SPOCK3: variants seen among roughly 807,000 people sequenced by gnomAD.
SPOCK3 encodes the protein testican-3.
A neutral mutation model predicts 56.6 loss-of-function variants in SPOCK3; 30 were observed. The observed-to-expected ratio is 0.53, with a 90% CI of 0.40 to 0.72. SPOCK3 has a LOEUF of 0.72. SPOCK3 is among the 30% of genes least tolerant of loss of function. The probability of loss-of-function intolerance (pLI) is 0.00; values close to 1 mark genes in which losing one functional copy is unlikely to be tolerated. For synonymous variants in SPOCK3, 196 were observed against 183.3 expected, an observed-to-expected ratio of 1.07 and a Z score of -0.56; for missense variants, 527 against 530.0, an observed-to-expected ratio of 0.99 and a Z score of 0.06.
chr4:166,776,381 C>A (rs1011763971), intron 7 of SPOCK3, among the ~76,000 whole-genome samples: 1 of 152,032 alleles, frequency 6.6e-6, no homozygotes, highest in African/African-American at 2.4e-5. Context: ...CCACTGCACT[C>A]CAGTCTGGTG....
At chr4:166,957,414 A>G (rs112585035) in intron 4 of SPOCK3, among the ~76,000 whole-genome samples, 9 of 152,216 alleles carry the variant, frequency 5.9e-5, no homozygotes, top group Non-Finnish European at 1.3e-4. Flanking sequence ...CCCTTTAGTA[A>G]TAATACATCA....
chr4:167,180,889 C>A (rs1403038304), intron 2 of SPOCK3, among the ~76,000 whole-genome samples: 2 of 151,958 alleles, frequency 1.3e-5, no homozygotes, highest in Non-Finnish European at 2.9e-5. Flanking sequence ...AGATATGGAA[C>A]CATTACATAA....
At chr4:167,226,084 T>A (rs184193066) in intron 2 of SPOCK3, among the ~76,000 whole-genome samples, 38 of 152,300 alleles carry the variant, frequency 2.5e-4, no homozygotes, top group Admixed American at 1.2e-3. Context: ...TCACCATTAA[T>A]GCCTTAACAC....
intron 2 of SPOCK3, among the ~76,000 whole-genome samples, chr4:167,129,726 T>A (rs1402988502): frequency 6.6e-6 from 1 of 152,166 alleles, no homozygotes; most frequent in African/African-American, 2.4e-5. Flanking sequence ...AATACGTAAA[T>A]TTAGAAGCTT....
intron 2 of SPOCK3, among the ~76,000 whole-genome samples, chr4:167,205,372 A>ATATATAATATATTATATATATTT (rs1734068356): frequency 2.3e-4 from 8 of 35,134 alleles, no homozygotes; most frequent in African/African-American, 9.2e-4. Context: ...TATATATTTT[A>ATATATAATATATTATATATATTT]TATATATAAT....
intron 2 of SPOCK3, among the ~76,000 whole-genome samples, chr4:167,071,921 G>T (rs1457006539): frequency 6.6e-6 from 1 of 151,972 alleles, no homozygotes; most frequent in African/African-American, 2.4e-5. Flanking sequence ...CATTCTAACT[G>T]GTGTGAGATG....
At chr4:167,207,609 A>G (rs1348182474) in intron 2 of SPOCK3, among the ~76,000 whole-genome samples, 1 of 152,108 alleles carries the variant, frequency 6.6e-6, no homozygotes, top group Non-Finnish European at 1.5e-5. Flanking sequence ...CCCTATTTAA[A>G]ATATTTCTTC....
intron 2 of SPOCK3, among the ~76,000 whole-genome samples, chr4:167,088,095 A>G (rs1758368774): frequency 6.6e-6 from 1 of 152,172 alleles, no homozygotes; most frequent in African/African-American, 2.4e-5. Flanking sequence ...CTCTTTTCTT[A>G]ATTTTTCCGC....
chr4:166,786,164 G>C (rs557772543), intron 7 of SPOCK3, among the ~76,000 whole-genome samples: 1 of 152,132 alleles, frequency 6.6e-6, no homozygotes, highest in African/African-American at 2.4e-5. Flanking sequence ...TTTGGGCAAC[G>C]AGCTGGATGA....
intron 2 of SPOCK3, among the ~76,000 whole-genome samples, chr4:167,071,415 G>A (rs899400368): frequency 2.8e-5 from 4 of 142,126 alleles, no homozygotes; most frequent in East Asian, 4.7e-4. Context: ...GACAGGCACC[G>A]GTGTGTGATG....
chr4:166,850,844 G>A (rs1392121449), intron 6 of SPOCK3, among the ~76,000 whole-genome samples: 1 of 152,222 alleles, frequency 6.6e-6, no homozygotes, highest in African/African-American at 2.4e-5. Flanking sequence ...CTGATTGCTA[G>A]CACAGCAGTC....
At chr4:166,811,294 T>G (rs189813214) in intron 6 of SPOCK3, among the ~76,000 whole-genome samples, 2 of 151,792 alleles carry the variant, frequency 1.3e-5, no homozygotes, top group African/African-American at 4.8e-5. Context: ...ATAGATTATT[T>G]GCTCACTGAT....
chr4:166,921,380 G>A (rs1467178058), intron 4 of SPOCK3, among the ~76,000 whole-genome samples: 1 of 148,746 alleles, frequency 6.7e-6, no homozygotes, highest in Non-Finnish European at 1.5e-5. Flanking sequence ...CTGGAGTGCA[G>A]TGGCACAATC....
intron 4 of SPOCK3, among the ~76,000 whole-genome samples, chr4:166,957,827 A>G (rs930494019): frequency 1.3e-5 from 2 of 152,160 alleles, no homozygotes; most frequent in African/African-American, 4.8e-5. Flanking sequence ...CTATGCCCTC[A>G]TTGTATCTTG....
At chr4:166,779,151 G>C (rs2126607567) in intron 7 of SPOCK3, among the ~76,000 whole-genome samples, 1 of 152,194 alleles carries the variant, frequency 6.6e-6, no homozygotes, top group Non-Finnish European at 1.5e-5. Context: ...TTAATCATCT[G>C]TTAAATCAAT....
intron 5 of SPOCK3, among the ~76,000 whole-genome samples, chr4:166,893,277 C>T (rs2127022651): frequency 6.6e-6 from 1 of 152,224 alleles, no homozygotes; most frequent in South Asian, 2.1e-4. Context: ...AAGATCCCTT[C>T]CATATTTCCC....
chr4:166,998,442 T>G (rs1359910801), intron 4 of SPOCK3, among the ~76,000 whole-genome samples: 1 of 152,110 alleles, frequency 6.6e-6, no homozygotes, highest in Non-Finnish European at 1.5e-5. Flanking sequence ...AGTTAAGCTG[T>G]TTAATAAGTC....
chr4:167,145,147 T>C (rs920883824), intron 2 of SPOCK3, among the ~76,000 whole-genome samples: 2 of 152,144 alleles, frequency 1.3e-5, no homozygotes, highest in South Asian at 2.1e-4. Context: ...GATTTACTGA[T>C]AGATTGAATA....
intron 2 of SPOCK3, among the ~76,000 whole-genome samples, chr4:167,169,592 A>C (rs1414326865): frequency 3.9e-5 from 6 of 152,180 alleles, no homozygotes; most frequent in African/African-American, 7.2e-5. Context: ...ATTAGGAGGA[A>C]GGGACTCGCA....
Sources: allele counts gnomAD v4.1 joint callset (sites outside exome capture counted in the v4.1 genomes callset), GRCh38; gene constraint gnomAD v4.1.1; transcripts MANE v1.5; gene names NCBI Gene and HGNC (gene_info 2026-07-23, HGNC 2026-07-21).